Variants in HDAC9 observed in about 807,000 individuals in gnomAD.
The protein encoded by HDAC9 is histone deacetylase 9, also known as MEF-2 interacting transcription repressor (MITR) protein.
A neutral mutation model predicts 139.4 loss-of-function variants in HDAC9; 41 were observed. The observed-to-expected ratio is 0.29, with a 90% CI of 0.23 to 0.38. HDAC9 has a LOEUF of 0.38. Among genes scored for constraint, HDAC9 ranks in the 10% least tolerant of loss-of-function variants. The pLI, the probability that HDAC9 is intolerant of heterozygous loss-of-function variation, is 1.00. For synonymous variants in HDAC9, 517 were observed against 476.2 expected (o/e 1.09, Z -1.12); for missense variants, 1,147 against 1,297.0 (o/e 0.88, Z 1.78).
chr7:18,244,812 A>AAATAATAATAAT (rs55633844), intron 2 of HDAC9, among the ~76,000 whole-genome samples: 14 of 147,862 alleles, frequency 9.5e-5, no homozygotes, highest in Admixed American at 4.1e-4. Context: ...TCTGTCTCAA[A>AAATAATAATAAT]AATAATAATA....
At chr7:18,185,691 G>A (rs1417578678) in intron 2 of HDAC9, among the ~76,000 whole-genome samples, 2 of 151,902 alleles carry the variant, frequency 1.3e-5, no homozygotes, top group Admixed American at 1.3e-4. Context: ...TCAGCTATGG[G>A]CCTCGTTTTC....
intron 1 of HDAC9, among the ~76,000 whole-genome samples, chr7:18,464,631 G>A (rs976431118): frequency 2.6e-5 from 4 of 152,096 alleles, no homozygotes; most frequent in African/African-American, 9.6e-5. Flanking sequence ...TTTTTCAAAT[G>A]ACAGGGAGCA....
chr7:18,322,554 TC>T (rs1232898075), intron 1 of HDAC9, among the ~76,000 whole-genome samples: 2 of 152,164 alleles, frequency 1.3e-5, no homozygotes, highest in Non-Finnish European at 2.9e-5. Flanking sequence ...GATTATTATT[TC>T]CATATTGAAA....
At chr7:18,779,153 G>A (rs1220674875) in intron 16 of HDAC9, among the ~76,000 whole-genome samples, 1 of 152,052 alleles carries the variant, frequency 6.6e-6, no homozygotes, top group Non-Finnish European at 1.5e-5. Flanking sequence ...GATCCCAAAG[G>A]AATGGGCTGT....
intron 1 of HDAC9, among the ~76,000 whole-genome samples, chr7:18,389,361 G>T (rs1446136541): frequency 2.0e-5 from 3 of 152,234 alleles, no homozygotes; most frequent in Non-Finnish European, 4.4e-5. Flanking sequence ...ATTTAGGACA[G>T]CACAGCAGCT....
At chr7:18,290,192 C>T (rs1026481965), upstream of HDAC9, 1 of 248,310 alleles carries the variant, frequency 4.0e-6, no homozygotes, top group Non-Finnish European at 8.2e-6. Context: ...TATTAGGCTT[C>T]TTATTAATAG....
chr7:18,808,946 A>C (rs576909696), intron 17 of HDAC9, among the ~76,000 whole-genome samples: 2 of 152,272 alleles, frequency 1.3e-5, no homozygotes, highest in Non-Finnish European at 2.9e-5. Flanking sequence ...ATTCTGTGGC[A>C]GAGCTATAAT....
chr7:18,405,966 T>A (rs567610978), intron 1 of HDAC9, among the ~76,000 whole-genome samples: 42 of 152,218 alleles, frequency 2.8e-4, no homozygotes, highest in Non-Finnish European at 5.1e-4. Flanking sequence ...TCCCTTCCCC[T>A]CTGGGATTCA....
intron 22 of HDAC9, among the ~76,000 whole-genome samples, chr7:18,901,293 A>ATG (rs1801698671): frequency 6.6e-6 from 1 of 150,444 alleles, no homozygotes; most frequent in East Asian, 1.9e-4. Context: ...TATGAATAAT[A>ATG]TATTTTGTTC....
chr7:18,833,980 T>C (rs780650795), intron 19 of HDAC9, among the ~76,000 whole-genome samples: 16 of 152,194 alleles, frequency 1.1e-4, no homozygotes, highest in Non-Finnish European at 1.5e-4. Context: ...AAACAGATTA[T>C]GAATGTAAGT....
At chr7:18,406,610 C>CA (rs1434335966) in intron 1 of HDAC9, among the ~76,000 whole-genome samples, 1 of 152,052 alleles carries the variant, frequency 6.6e-6, no homozygotes. Flanking sequence ...AGGATGGTCT[C>CA]AATCTCCTGA....
At chr7:18,128,218 G>A (rs1315985971) in intron 1 of HDAC9, among the ~76,000 whole-genome samples, 1 of 152,010 alleles carries the variant, frequency 6.6e-6, no homozygotes, top group African/African-American at 2.4e-5. Flanking sequence ...GGAAACCACT[G>A]GGTAAATCAG....
intron 2 of HDAC9, among the ~76,000 whole-genome samples, chr7:18,523,881 A>ACCCCCCCCC (rs1586652544): frequency 6.7e-6 from 1 of 148,632 alleles, no homozygotes; most frequent in African/African-American, 2.5e-5. Context: ...TTAAATGTAG[A>ACCCCCCCCC]CCCCGCCCTC....
chr7:18,210,649 C>T (rs1202756717), intron 2 of HDAC9, among the ~76,000 whole-genome samples: 6 of 152,094 alleles, frequency 3.9e-5, no homozygotes, highest in African/African-American at 1.4e-4. Flanking sequence ...TTATGTGGAA[C>T]CAAAGCCAAG....
chr7:18,276,860 T>G (rs2128217788), intron 2 of HDAC9, among the ~76,000 whole-genome samples: 1 of 152,332 alleles, frequency 6.6e-6, no homozygotes, highest in South Asian at 2.1e-4. Flanking sequence ...TAAGTTTTCT[T>G]GTATTCATAG....
intron 2 of HDAC9, among the ~76,000 whole-genome samples, chr7:18,284,811 A>G (rs895593725): frequency 1.3e-5 from 2 of 152,072 alleles, no homozygotes; most frequent in Non-Finnish European, 2.9e-5. Context: ...TAAATCCAAC[A>G]CTCACTCTTA....
intron 1 of HDAC9, among the ~76,000 whole-genome samples, chr7:18,350,267 A>G (rs976939469): frequency 6.6e-6 from 1 of 152,144 alleles, no homozygotes; most frequent in African/African-American, 2.4e-5. Context: ...TTTGAAAAGC[A>G]ATTTTTCTTT....
At chr7:18,591,759 G>C (rs1003314586) in intron 5 of HDAC9, 117 bp downstream of exon 5, 7 of 1,311,302 alleles carry the variant, frequency 5.3e-6, no homozygotes, top group East Asian at 2.3e-5. Context: ...CTGTGGGCAA[G>C]TTCCTTCAGT....
chr7:18,852,473 A>T (rs1451369937), intron 21 of HDAC9, among the ~76,000 whole-genome samples: 1 of 152,196 alleles, frequency 6.6e-6, no homozygotes, highest in African/African-American at 2.4e-5. Context: ...ACAATTACAG[A>T]AACTCTCTTT....
Sources: allele counts gnomAD v4.1 joint callset (sites outside exome capture counted in the v4.1 genomes callset), GRCh38; gene constraint gnomAD v4.1.1; transcripts MANE v1.5; gene names NCBI Gene and HGNC (gene_info 2026-07-23, HGNC 2026-07-21).